PBX1: variants seen among roughly 807,000 people sequenced by gnomAD.
The protein encoded by PBX1 is pre-B-cell leukemia transcription factor 1.
PBX1 carries 6 observed loss-of-function variants against 53.4 expected under a neutral mutation model. The ratio of observed to expected loss-of-function variants is 0.11; its 90% CI spans 0.06 to 0.22. The LOEUF (loss-of-function observed/expected upper bound fraction) is 0.22. Ranked by LOEUF, PBX1 falls within the 10% of genes least tolerant of loss-of-function variation. PBX1 has a pLI of 1.00. For missense variants in PBX1, 251 were observed against 551.4 expected, an observed-to-expected ratio of 0.46 and a Z score of 5.46; for synonymous variants, 204 against 212.3, an observed-to-expected ratio of 0.96 and a Z score of 0.34.
chr1:164,670,927 T>C (rs1661078631), intron 2 of PBX1, among the ~76,000 whole-genome samples: 1 of 152,144 alleles, frequency 6.6e-6, no homozygotes, highest in Non-Finnish European at 1.5e-5. Flanking sequence ...ATGGAGAAAA[T>C]GCAGTTTCTG....
intron 2 of PBX1, among the ~76,000 whole-genome samples, chr1:164,769,616 T>C (rs758711009): frequency 7.9e-5 from 12 of 152,152 alleles, no homozygotes; most frequent in African/African-American, 1.4e-4. Context: ...GAAGATTGAG[T>C]TGGAGTTGGA....
At chr1:164,842,016 G>A (rs1671322868) in intron 8 of PBX1, among the ~76,000 whole-genome samples, 1 of 152,194 alleles carries the variant, frequency 6.6e-6, no homozygotes, top group South Asian at 2.1e-4. Flanking sequence ...GCTTGCTTGG[G>A]CTGTCACATC....
At chr1:164,787,459 G>A (rs971787810) in intron 2 of PBX1, among the ~76,000 whole-genome samples, 9 of 152,070 alleles carry the variant, frequency 5.9e-5, no homozygotes, top group East Asian at 1.9e-4. Flanking sequence ...CTGTCCGCCC[G>A]CCTGGAGAAC....
At chr1:164,784,050 G>A (rs1411227383) in intron 2 of PBX1, among the ~76,000 whole-genome samples, 1 of 152,184 alleles carries the variant, frequency 6.6e-6, no homozygotes, top group African/African-American at 2.4e-5. Context: ...CTTTTTATGT[G>A]TAACTAAGAA....
intron 3 of PBX1, 43 bp from the exon 4 acceptor site, chr1:164,799,656 G>A: frequency 1.3e-6 from 2 of 1,580,278 alleles, no homozygotes; most frequent in African/African-American, 1.3e-5. Flanking sequence ...GCGTGTTGAG[G>A]CTTGGACCCT....
chr1:164,595,105 C>T (rs182573181), intron 2 of PBX1, among the ~76,000 whole-genome samples: 25 of 152,332 alleles, frequency 1.6e-4, no homozygotes, highest in Middle Eastern at 6.8e-3. Flanking sequence ...GACAGTACCA[C>T]GTCTGAACCT....
rs545747368 is a variant in PBX1, at chr1:164,832,247, C to T, written c.1200+10621C>T. Among the ~76,000 whole-genome samples, 224 of 152,156 alleles carry T rather than the reference C, an allele frequency of 1.5e-3. 2 individuals carry two copies. Among genetic ancestry groups the T allele is most frequent in the African/African-American group, 4.4e-3 (184 of 41,492 alleles). The stretch of plus-strand genomic sequence containing the variant: ...GCCTGGTGATAAGCATTTTGGAGAC[C>T]GAATGATATGGAAAAGAACTCTTAA... On this transcript the variant is annotated intron_variant, in intron 8 of 8. Transcript: ENST00000420696.
chr1:164,822,352 C>T (rs1425217724), intron 8 of PBX1, among the ~76,000 whole-genome samples: 1 of 152,070 alleles, frequency 6.6e-6, no homozygotes, highest in Non-Finnish European at 1.5e-5. Flanking sequence ...TTTTTTAGAT[C>T]AGGGATGATT....
intron 2 of PBX1, among the ~76,000 whole-genome samples, chr1:164,710,864 T>G (rs116048319): frequency 0.013 from 1,974 of 152,240 alleles, 22 homozygotes; most frequent in South Asian, 0.043. Flanking sequence ...ATGAGAAGGA[T>G]GAACAGGGAT....
chr1:164,602,193 G>T lies in PBX1; in HGVS notation c.265+38882G>T, dbSNP rs540302400. Among the ~76,000 whole-genome samples, 11 of 152,240 alleles carry T rather than the reference G, an allele frequency of 7.2e-5. No homozygotes were observed. The East Asian group carries it at 2.1e-3, about 30-fold the overall frequency. On this transcript the variant is annotated intron_variant, in intron 2 of 8. Transcript: ENST00000420696. ...CTGGGCCCTGGCTAGTTACAACCAT[G>T]TGTGAGTTGTTTACAGTACGCACAG...
rs184218015 is a variant in PBX1 at position 164,620,451 on chromosome 1, T to C, written c.265+57140T>C. On this transcript the variant is annotated intron_variant, in intron 2 of 8. Coordinates refer to ENST00000420696, the MANE Select transcript of PBX1 (RefSeq NM_002585.4). ...TGCAGTTTAGGCTTAAGGAAGTTCATATGCGTGCATGTGCATTTGTGAGTA... is the reference window on the plus strand; with the variant it reads ...TGCAGTTTAGGCTTAAGGAAGTTCACATGCGTGCATGTGCATTTGTGAGTA... 2.2e-3 allele frequency among the ~76,000 whole-genome samples: 340 copies of C among 152,238 alleles called. 1 individual carries two copies. The highest frequency in any genetic ancestry group is 7.8e-3 in the African/African-American group (326 of 41,574).
At chr1:164,771,952 C>T (rs915506074) in intron 2 of PBX1, among the ~76,000 whole-genome samples, 1 of 152,222 alleles carries the variant, frequency 6.6e-6, no homozygotes, top group South Asian at 2.1e-4. Flanking sequence ...ATGTAGAAAC[C>T]GAGATCTTTG....
intron 1 of PBX1, among the ~76,000 whole-genome samples, chr1:164,562,070 C>A (rs1034228069): frequency 1.1e-4 from 16 of 151,698 alleles, no homozygotes; most frequent in South Asian, 4.2e-4. Context: ...TCTAGTCACA[C>A]CTTTATAATG....
intron 2 of PBX1, among the ~76,000 whole-genome samples, chr1:164,625,016 G>A (rs966576809): frequency 5.9e-5 from 9 of 152,084 alleles, no homozygotes; most frequent in African/African-American, 1.7e-4. Flanking sequence ...CTATAGGGTG[G>A]AAAAATCTCC....
chr1:164,681,214 A>G (rs1294356155), intron 2 of PBX1, among the ~76,000 whole-genome samples: 1 of 152,292 alleles, frequency 6.6e-6, no homozygotes, highest in South Asian at 2.1e-4. Flanking sequence ...AAATAAATAC[A>G]TTAATAAATC....
At chr1:164,755,000 A>C (rs571601867) in intron 2 of PBX1, among the ~76,000 whole-genome samples, 8 of 152,236 alleles carry the variant, frequency 5.3e-5, no homozygotes, top group Non-Finnish European at 1.2e-4. Flanking sequence ...TTAAAATATA[A>C]GGAGCTAAGA....
At chr1:164,591,042 T>G (rs2101770040) in intron 2 of PBX1, among the ~76,000 whole-genome samples, 1 of 150,774 alleles carries the variant, frequency 6.6e-6, no homozygotes, top group South Asian at 2.1e-4. Context: ...AGATGGAGTC[T>G]TGCTCTGTTG....
intron 2 of PBX1, among the ~76,000 whole-genome samples, chr1:164,761,272 A>G (rs1057184724): frequency 6.6e-6 from 1 of 152,254 alleles, no homozygotes; most frequent in African/African-American, 2.4e-5. Flanking sequence ...AGAGCAAATT[A>G]TGCAAATTTA....
chr1:164,598,833 T>C (rs536441183), intron 2 of PBX1, among the ~76,000 whole-genome samples: 1 of 152,210 alleles, frequency 6.6e-6, no homozygotes, highest in African/African-American at 2.4e-5. Context: ...TTTATGTGAT[T>C]AGATTTGACC....
Sources: allele counts gnomAD v4.1 joint callset (sites outside exome capture counted in the v4.1 genomes callset), GRCh38; gene constraint gnomAD v4.1.1; transcripts MANE v1.5; gene names NCBI Gene and HGNC (gene_info 2026-07-23, HGNC 2026-07-21).